The following NCBP1 variants were observed in gnomAD, a reference collection of about 807,000 sequenced individuals.
NCBP1 encodes nuclear cap-binding protein subunit 1.
A neutral mutation model predicts 111.7 loss-of-function variants in NCBP1; 16 were observed. That is an observed-to-expected ratio of 0.14 (90% CI 0.10 to 0.22). The LOEUF (loss-of-function observed/expected upper bound fraction) is 0.22. NCBP1 is among the 10% of genes least tolerant of loss of function. The pLI is 1.00. For synonymous variants in NCBP1, 304 were observed against 314.3 expected (o/e 0.97, Z 0.35); for missense variants, 607 against 957.5 (o/e 0.63, Z 4.83).
intron 16 of NCBP1, 112 bp downstream of exon 16, chr9:97,661,180 C>T (rs991553732): frequency 4.4e-6 from 6 of 1,351,816 alleles, no homozygotes; most frequent in Middle Eastern, 4.6e-4. Flanking sequence ...ATCTGTTTGA[C>T]CTGTTCAGAC....
At chr9:97,637,019 C>CTA (rs1425593868) in intron 1 of NCBP1, among the ~76,000 whole-genome samples, 2 of 152,072 alleles carry the variant, frequency 1.3e-5, no homozygotes, top group African/African-American at 2.4e-5. Flanking sequence ...AGCCTGAAGA[C>CTA]TATAGGGTTC....
intron 7 of NCBP1, 99 bp from the exon 8 acceptor site, chr9:97,647,909 C>T: frequency 9.6e-7 from 1 of 1,043,940 alleles, no homozygotes; most frequent in Non-Finnish European, 1.4e-6. Context: ...TACAAGTTAG[C>T]TTACTTTTGT....
chr9:97,658,857 C>G (rs529770809), intron 15 of NCBP1, 114 bp downstream of exon 15: 6 of 789,534 alleles, frequency 7.6e-6, no homozygotes, highest in African/African-American at 1.7e-5. Flanking sequence ...GTTTATATTT[C>G]CTGTATTTGA....
chr9:97,653,555 A>G (rs1827557224), intron 10 of NCBP1, among the ~76,000 whole-genome samples: 1 of 151,922 alleles, frequency 6.6e-6, no homozygotes, highest in Non-Finnish European at 1.5e-5. Flanking sequence ...AGGAGTGTAG[A>G]TCGAATAAGC....
intron 16 of NCBP1, 145 bp from the exon 17 acceptor site, chr9:97,661,897 G>A (rs571591338): frequency 5.2e-5 from 25 of 483,522 alleles, no homozygotes; most frequent in Admixed American, 7.4e-5. Flanking sequence ...AATCAGTGAC[G>A]GTCTTTTATT....
intron 10 of NCBP1, among the ~76,000 whole-genome samples, chr9:97,651,921 T>C (rs1827507961): frequency 6.6e-6 from 1 of 152,096 alleles, no homozygotes; most frequent in Non-Finnish European, 1.5e-5. Flanking sequence ...ATACAAAAGG[T>C]TGATGTTAGT....
At chr9:97,651,441 A>T (rs978847989) in intron 10 of NCBP1, 68 bp downstream of exon 10, 22 of 1,329,832 alleles carry the variant, frequency 1.7e-5, no homozygotes, top group Non-Finnish European at 2.2e-5. Flanking sequence ...AGTATGATCT[A>T]CTCTTGGCTT....
At chr9:97,635,461 A>T (rs1826990909) in intron 1 of NCBP1, among the ~76,000 whole-genome samples, 1 of 144,964 alleles carries the variant, frequency 6.9e-6, no homozygotes, top group Admixed American at 7.0e-5. Flanking sequence ...GTCAGGCTGG[A>T]GTGCAGTGGC....
rs1389086003 is a variant in NCBP1 at position 97,664,351 on chromosome 9, A to G, written c.1809A>G (p.Val603=). The change falls in exon 19 of 23, where the codon GTA becomes GTG. Residue 603 remains valine (V), a synonymous_variant. Coordinates refer to ENST00000375147, the MANE Select transcript of NCBP1 (RefSeq NM_002486.5). ...VWRNHPQMIA[V]LVDKMIRTQI... ...TTCTCTCATTGTAGATGATTGCTGTACTAGTGGATAAGATGATTCGTACAC... is the reference window on the plus strand; with the variant it reads ...TTCTCTCATTGTAGATGATTGCTGTGCTAGTGGATAAGATGATTCGTACAC... 6.2e-7 allele frequency: 1 copy of G among 1,607,104 alleles called. No homozygotes were observed. The highest frequency in any genetic ancestry group is 1.7e-4 in the Middle Eastern group (1 of 6,048).
At chr9:97,660,813 T>C (rs1827813586) in intron 15 of NCBP1, 133 bp from the exon 16 acceptor site, 2 of 1,051,984 alleles carry the variant, frequency 1.9e-6, no homozygotes, top group Non-Finnish European at 2.7e-6. Flanking sequence ...GATTAAATAT[T>C]GACCTTGGGA....
At chr9:97,662,897 A>T (rs1489656925) in intron 17 of NCBP1, 57 bp from the exon 18 acceptor site, 1 of 1,305,654 alleles carries the variant, frequency 7.7e-7, no homozygotes, top group African/African-American at 1.5e-5. Context: ...CTTTGAAAAC[A>T]CTAAAATGTT....
Position 97,637,203 on chromosome 9 carries a change from T to C in NCBP1, c.34+3288T>C, listed in dbSNP as rs1347816571. The stretch of plus-strand genomic sequence containing the variant: ...TATCAAAGATTAAGGGGGGTAGGAT[T>C]AGGAGGCTATACCAATGAAGTTCAT... On this transcript the variant is annotated intron_variant, in intron 1 of 22. Transcript: ENST00000375147. 5.9e-5 allele frequency among the ~76,000 whole-genome samples: 9 copies of C among 152,152 alleles called. No individual in the cohort carries two copies. In the East Asian group the frequency reaches 1.5e-3, roughly 26 times the overall value.
intron 1 of NCBP1, among the ~76,000 whole-genome samples, chr9:97,637,726 T>C (rs1453472575): frequency 2.6e-5 from 4 of 152,230 alleles, no homozygotes; most frequent in African/African-American, 9.6e-5. Context: ...TGCTTAAGGT[T>C]TAAAAACGTA....
intron 14 of NCBP1, among the ~76,000 whole-genome samples, chr9:97,657,947 G>A (rs577850653): frequency 1.1e-4 from 12 of 104,934 alleles, no homozygotes; most frequent in South Asian, 3.0e-4. Context: ...TTTTTTTAAC[G>A]TCCCCAGCCA....
chr9:97,654,123 C>A (rs1827574739), intron 11 of NCBP1, among the ~76,000 whole-genome samples: 2 of 151,888 alleles, frequency 1.3e-5, no homozygotes, highest in African/African-American at 2.4e-5. Context: ...TCAGGGAGTT[C>A]AAAAATAGAC....
chr9:97,653,530 G>A (rs1263832044), intron 10 of NCBP1, among the ~76,000 whole-genome samples: 4 of 152,152 alleles, frequency 2.6e-5, no homozygotes, highest in African/African-American at 9.7e-5. Flanking sequence ...GAATTTAATT[G>A]CATAGTTCTC....
At chr9:97,649,873 A>G (rs1030685899) in intron 8 of NCBP1, among the ~76,000 whole-genome samples, 3 of 152,138 alleles carry the variant, frequency 2.0e-5, no homozygotes, top group Non-Finnish European at 4.4e-5. Flanking sequence ...TATAAAATAC[A>G]TATTACTCCC....
intron 11 of NCBP1, among the ~76,000 whole-genome samples, 163 bp downstream of exon 11, chr9:97,654,071 T>TA (rs1827573224): frequency 6.6e-6 from 1 of 152,218 alleles, no homozygotes; most frequent in African/African-American, 2.4e-5. Context: ...TGTAAATACA[T>TA]ATGTACCTAT....
rs773658380 is a variant in NCBP1 at position 97,663,018 on chromosome 9, A to G, written c.1768A>G (p.Met590Val). The change falls in exon 18 of 23, where the codon ATG becomes GTG. Residue 590 changes from methionine to valine, a missense_variant. By Grantham distance (21) the Met-to-Val change is conservative (BLOSUM62 1). Coordinates refer to ENST00000375147, the MANE Select transcript of NCBP1 (RefSeq NM_002486.5). ...DEGKLHVLRV[M>V]FEVWRNHPQM... ...AGGAAAGTTACATGTGCTAAGAGTT[A>G]TGTTTGAGGTCTGGAGGAACCATCC... The G allele has an allele frequency of 3.7e-6, 6 of 1,613,090 alleles. No individual in the cohort carries two copies. The highest frequency in any genetic ancestry group is 5.1e-6 in the Non-Finnish European group (6 of 1,179,602).
Sources: gnomAD v4.1 joint callset for allele counts (sites outside exome capture counted in the v4.1 genomes callset) on GRCh38, gnomAD v4.1.1 for gene constraint, MANE v1.5 for transcripts, NCBI Gene and HGNC (gene_info 2026-07-23, HGNC 2026-07-21) for gene names.